ASIC2: variants seen among roughly 807,000 people sequenced by gnomAD.
ASIC2 encodes the protein acid-sensing ion channel 2.
Under a neutral mutation model 57.3 loss-of-function variants are expected in ASIC2, and 25 were observed. That is an observed-to-expected ratio of 0.44 (90% CI 0.32 to 0.61). The LOEUF is 0.61. Among genes scored for constraint, ASIC2 ranks in the 20% least tolerant of loss-of-function variants. ASIC2 has a pLI of 0.06. For synonymous variants in ASIC2, 319 were observed against 307.5 expected, an observed-to-expected ratio of 1.04 and a Z score of -0.39; for missense variants, 641 against 738.1, an observed-to-expected ratio of 0.87 and a Z score of 1.52.
chr17:33,071,932 C>T (rs1293012607), intron 3 of ASIC2, among the ~76,000 whole-genome samples: 1 of 152,198 alleles, frequency 6.6e-6, no homozygotes, highest in African/African-American at 2.4e-5. Flanking sequence ...GCACTGTTTC[C>T]TCTCATCTTC....
intron 1 of ASIC2, among the ~76,000 whole-genome samples, chr17:33,342,168 C>G (rs2142238115): frequency 1.3e-5 from 2 of 152,250 alleles, no homozygotes; most frequent in Middle Eastern, 3.4e-3. Context: ...TCAACAATAC[C>G]ACTCACATGG....
chr17:33,717,625 A>G (rs1431787582), intron 1 of ASIC2, among the ~76,000 whole-genome samples: 5 of 152,170 alleles, frequency 3.3e-5, no homozygotes, highest in Admixed American at 6.5e-5. Flanking sequence ...CCTCTGACAG[A>G]GAGCTCCCTT....
chr17:33,404,499 G>C (rs1475915357), intron 1 of ASIC2, among the ~76,000 whole-genome samples: 4 of 152,194 alleles, frequency 2.6e-5, no homozygotes, highest in South Asian at 4.1e-4. Context: ...CCTCTCAAAG[G>C]CTGTCTACTT....
At chr17:33,426,311 G>A (rs934465532) in intron 1 of ASIC2, among the ~76,000 whole-genome samples, 2 of 152,132 alleles carry the variant, frequency 1.3e-5, no homozygotes, top group African/African-American at 2.4e-5. Context: ...GAACTCATAC[G>A]ACCATTTTAA....
At chr17:33,975,792 ACCT>A (rs1905365688) in intron 1 of ASIC2, among the ~76,000 whole-genome samples, 1 of 151,636 alleles carries the variant, frequency 6.6e-6, no homozygotes, top group South Asian at 2.1e-4. Context: ...CCTTCTGTGC[ACCT>A]CACCTCTTCT....
chr17:33,716,164 T>C (rs1485643139), intron 1 of ASIC2, among the ~76,000 whole-genome samples: 1 of 152,208 alleles, frequency 6.6e-6, no homozygotes, highest in Non-Finnish European at 1.5e-5. Context: ...AGGAACAGCC[T>C]TCTAACTGGT....
intron 1 of ASIC2, among the ~76,000 whole-genome samples, chr17:33,631,922 T>A (rs953012970): frequency 1.3e-5 from 2 of 152,132 alleles, no homozygotes; most frequent in Non-Finnish European, 2.9e-5. Flanking sequence ...CTCTTCCAAG[T>A]CTGAGATTCT....
At chr17:33,691,819 A>G (rs1386187937) in intron 1 of ASIC2, among the ~76,000 whole-genome samples, 2 of 150,820 alleles carry the variant, frequency 1.3e-5, no homozygotes, top group African/African-American at 2.5e-5. Context: ...ATGTATATGC[A>G]TGCATGTGTG....
intron 1 of ASIC2, among the ~76,000 whole-genome samples, chr17:33,579,282 G>A (rs191237123): frequency 1.0e-4 from 9 of 88,872 alleles, no homozygotes; most frequent in Non-Finnish European, 1.5e-4. Flanking sequence ...ATGAAACTGT[G>A]TCTCAAAAAA....
At chr17:33,600,638 A>C (rs9915164) in intron 1 of ASIC2, among the ~76,000 whole-genome samples, 3 of 152,250 alleles carry the variant, frequency 2.0e-5, no homozygotes, top group African/African-American at 4.8e-5. Context: ...TAATTTTTGC[A>C]ATCAGACCTT....
chr17:34,075,873 G>A (rs1430871301), intron 1 of ASIC2, among the ~76,000 whole-genome samples: 8 of 133,854 alleles, frequency 6.0e-5, no homozygotes, highest in Non-Finnish European at 1.1e-4. Context: ...CTGTCGCTCC[G>A]GCTGGAGTGC....
chr17:33,224,893 A>G (rs1032596932), intron 1 of ASIC2, among the ~76,000 whole-genome samples: 2 of 152,208 alleles, frequency 1.3e-5, no homozygotes, highest in African/African-American at 4.8e-5. Context: ...GGTGGTAGGA[A>G]GTGATCCAAT....
At chr17:34,098,356 A>G (rs1567820077) in intron 1 of ASIC2, among the ~76,000 whole-genome samples, 3 of 152,216 alleles carry the variant, frequency 2.0e-5, no homozygotes, top group Non-Finnish European at 4.4e-5. Flanking sequence ...TCAGACATCA[A>G]AATTTTAAAT....
At chr17:33,450,623 T>A (rs1912211291) in intron 1 of ASIC2, among the ~76,000 whole-genome samples, 1 of 152,240 alleles carries the variant, frequency 6.6e-6, no homozygotes, top group Non-Finnish European at 1.5e-5. Context: ...ACTATTGAAC[T>A]GTAGAGTTAA....
At chr17:33,127,548 G>A (rs147989164) in intron 1 of ASIC2, among the ~76,000 whole-genome samples, 173 of 152,290 alleles carry the variant, frequency 1.1e-3, no homozygotes, top group African/African-American at 4.0e-3. Context: ...ATGAGTCTTT[G>A]CTCTACCCCC....
chr17:33,952,459 T>C (rs554753560), intron 1 of ASIC2, among the ~76,000 whole-genome samples: 1 of 152,342 alleles, frequency 6.6e-6, no homozygotes, highest in East Asian at 1.9e-4. Flanking sequence ...TTCTTAGGGC[T>C]GCTGTGAAGA....
At chr17:33,705,281 T>C (rs1908829621) in intron 1 of ASIC2, among the ~76,000 whole-genome samples, 1 of 152,210 alleles carries the variant, frequency 6.6e-6, no homozygotes, top group Non-Finnish European at 1.5e-5. Context: ...TTGGTACATA[T>C]TCTTTCCTTT....
At chr17:34,021,838 T>TG (rs1907172119) in intron 1 of ASIC2, among the ~76,000 whole-genome samples, 1 of 69,812 alleles carries the variant, frequency 1.4e-5, no homozygotes, top group Non-Finnish European at 2.5e-5. Context: ...TTTTGTTTTG[T>TG]TTTTTTTTTT....
intron 1 of ASIC2, among the ~76,000 whole-genome samples, chr17:33,511,347 G>A (rs1020199648): frequency 6.6e-6 from 1 of 152,104 alleles, no homozygotes; most frequent in Non-Finnish European, 1.5e-5. Flanking sequence ...ACACACCCAT[G>A]TTCTTGGAAA....
Sources: gnomAD v4.1 joint callset for allele counts (sites outside exome capture counted in the v4.1 genomes callset) on GRCh38, gnomAD v4.1.1 for gene constraint, MANE v1.5 for transcripts, NCBI Gene and HGNC (gene_info 2026-07-23, HGNC 2026-07-21) for gene names.